SCAMP1: variants seen among roughly 807,000 people sequenced by gnomAD.
SCAMP1 encodes secretory carrier membrane protein 1, also known as secretory carrier-associated membrane protein 1.
Under a neutral mutation model 41.8 loss-of-function variants are expected in SCAMP1, and 15 were observed. The observed-to-expected ratio is 0.36, with a 90% CI of 0.24 to 0.55. SCAMP1 has a LOEUF of 0.55. Ranked by LOEUF, SCAMP1 falls within the 20% of genes least tolerant of loss-of-function variation. The probability of loss-of-function intolerance (pLI) is 0.86; values close to 1 mark genes in which losing one functional copy is unlikely to be tolerated. For missense variants in SCAMP1, 341 were observed against 412.6 expected, an observed-to-expected ratio of 0.83 and a Z score of 1.50; for synonymous variants, 135 against 136.8, an observed-to-expected ratio of 0.99 and a Z score of 0.09.
intron 6 of SCAMP1, among the ~76,000 whole-genome samples, chr5:78,425,855 T>C (rs1752455737): frequency 6.6e-6 from 1 of 152,200 alleles, no homozygotes; most frequent in East Asian, 1.9e-4. Context: ...GGTGTACGTG[T>C]GCCATGGTGG....
intron 1 of SCAMP1, among the ~76,000 whole-genome samples, chr5:78,387,657 A>G (rs114797479): frequency 0.02 from 3,030 of 152,098 alleles, 115 homozygotes; most frequent in African/African-American, 0.068. Flanking sequence ...TGCTCCCTTG[A>G]TGTGGTGCTC....
At chr5:78,394,753 T>C (rs1030151235) in intron 2 of SCAMP1, among the ~76,000 whole-genome samples, 1 of 152,242 alleles carries the variant, frequency 6.6e-6, no homozygotes, top group African/African-American at 2.4e-5. Context: ...CTGTCCCTTC[T>C]GGAACCTCTT....
intron 5 of SCAMP1, among the ~76,000 whole-genome samples, chr5:78,421,348 G>A (rs1561269034): frequency 6.6e-6 from 1 of 152,206 alleles, no homozygotes; most frequent in Non-Finnish European, 1.5e-5. Flanking sequence ...ATAGTCACTA[G>A]AAATTGCTAC....
rs1754025407 is a variant in SCAMP1 at position 78,477,185 on chromosome 5, T to C, written c.*1517T>C. On this transcript the variant is annotated 3_prime_UTR_variant, in exon 9 of 9. Coordinates refer to ENST00000621999, the MANE Select transcript of SCAMP1 (RefSeq NM_004866.6). ...TACAGAAAAAGTTTTATGCTAGAGGTGGGATGCCAAGTTTTCACTATCCAT... is the reference window on the plus strand; with the variant it reads ...TACAGAAAAAGTTTTATGCTAGAGGCGGGATGCCAAGTTTTCACTATCCAT... The C allele has an allele frequency of 2.0e-5, 3 of 152,152 alleles. No homozygotes were observed. Among genetic ancestry groups the C allele is most frequent in the Admixed American group, 2.0e-4 (3 of 15,276 alleles). 9.4% of individuals were successfully genotyped at this position (152,152 alleles called of 1,614,324 possible).
At chr5:78,369,912 G>C (rs1750901416) in intron 1 of SCAMP1, among the ~76,000 whole-genome samples, 1 of 152,186 alleles carries the variant, frequency 6.6e-6, no homozygotes, top group African/African-American at 2.4e-5. Context: ...GGCCTCAGCT[G>C]ACTGATCTTA....
intron 1 of SCAMP1, among the ~76,000 whole-genome samples, chr5:78,365,952 A>G (rs1750784231): frequency 6.6e-6 from 1 of 152,140 alleles, no homozygotes; most frequent in Non-Finnish European, 1.5e-5. Flanking sequence ...GCTGTAACAA[A>G]GTATAGTACC....
intron 6 of SCAMP1, among the ~76,000 whole-genome samples, chr5:78,426,355 T>G (rs1379250270): frequency 6.6e-6 from 1 of 152,228 alleles, no homozygotes; most frequent in Non-Finnish European, 1.5e-5. Flanking sequence ...TTCTAGATCC[T>G]TGAGGAATTG....
chr5:78,404,453 GTTTTTTT>G (rs3058233), intron 2 of SCAMP1, among the ~76,000 whole-genome samples: 2 of 98,180 alleles, frequency 2.0e-5, no homozygotes, highest in Non-Finnish European at 3.8e-5. Context: ...AGCCTTACAG[GTTTTTTT>G]TTTTTTTTTT....
At chr5:78,419,680 T>C (rs1752293036) in intron 5 of SCAMP1, among the ~76,000 whole-genome samples, 1 of 152,212 alleles carries the variant, frequency 6.6e-6, no homozygotes. Flanking sequence ...TAATGGATAA[T>C]TTGTAGGGTA....
intron 1 of SCAMP1, among the ~76,000 whole-genome samples, chr5:78,377,218 G>A (rs1295114143): frequency 1.3e-5 from 2 of 152,154 alleles, no homozygotes; most frequent in Admixed American, 6.5e-5. Flanking sequence ...TATTGGCTCT[G>A]TTTTTGCTTT....
chr5:78,395,766 C>A (rs1036705054), intron 2 of SCAMP1, among the ~76,000 whole-genome samples: 2 of 152,214 alleles, frequency 1.3e-5, no homozygotes, highest in African/African-American at 4.8e-5. Context: ...CCCCCTGGGC[C>A]TCTCCAACAT....
At chr5:78,444,070 G>A (rs1433310990) in intron 6 of SCAMP1, among the ~76,000 whole-genome samples, 2 of 152,132 alleles carry the variant, frequency 1.3e-5, no homozygotes, top group African/African-American at 4.8e-5. Flanking sequence ...GCAGTTCATA[G>A]TGCTGCCTTT....
chr5:78,455,000 G>A (rs1431273950), intron 7 of SCAMP1, among the ~76,000 whole-genome samples: 1 of 151,984 alleles, frequency 6.6e-6, no homozygotes, highest in African/African-American at 2.4e-5. Flanking sequence ...TCTGATGGTA[G>A]TTTGTATTTC....
intron 3 of SCAMP1, among the ~76,000 whole-genome samples, chr5:78,416,269 T>TA: frequency 6.6e-6 from 1 of 152,192 alleles, no homozygotes; most frequent in Non-Finnish European, 1.5e-5. Flanking sequence ...ATTTTCCAGA[T>TA]TACCTAAAGA....
chr5:78,401,667 T>C (rs962092955), intron 2 of SCAMP1, among the ~76,000 whole-genome samples: 1 of 152,168 alleles, frequency 6.6e-6, no homozygotes, highest in Non-Finnish European at 1.5e-5. Context: ...TATGGGACCT[T>C]AGTGGATGTC....
At chr5:78,391,842 CA>C (rs537960482) in intron 2 of SCAMP1, among the ~76,000 whole-genome samples, 2 of 152,106 alleles carry the variant, frequency 1.3e-5, no homozygotes, top group African/African-American at 4.8e-5. Flanking sequence ...CCGTCTCCAC[CA>C]AAAAAATACA....
chr5:78,419,827 G>A (rs1376601134), intron 5 of SCAMP1, among the ~76,000 whole-genome samples: 2 of 152,172 alleles, frequency 1.3e-5, no homozygotes, highest in African/African-American at 2.4e-5. Flanking sequence ...TTTGGAATGT[G>A]AGAAGTGTTT....
chr5:78,455,988 C>G (rs1344816823), intron 7 of SCAMP1, among the ~76,000 whole-genome samples: 1 of 38,352 alleles, frequency 2.6e-5, no homozygotes, highest in Non-Finnish European at 4.8e-5. Flanking sequence ...TCTGTTTTAT[C>G]AGAGAGTAGG....
intron 1 of SCAMP1, among the ~76,000 whole-genome samples, chr5:78,368,621 A>G (rs1411133963): frequency 6.6e-6 from 1 of 152,188 alleles, no homozygotes; most frequent in Admixed American, 6.5e-5. Context: ...ATTCTTCTCA[A>G]TTGCAAGTGC....
Sources: allele counts gnomAD v4.1 joint callset (sites outside exome capture counted in the v4.1 genomes callset), GRCh38; gene constraint gnomAD v4.1.1; transcripts MANE v1.5; gene names NCBI Gene and HGNC (gene_info 2026-07-23, HGNC 2026-07-21).